Variants in NSD3 observed in about 807,000 individuals in gnomAD.
NSD3 encodes the protein nuclear receptor binding SET domain protein 3.
Under a neutral mutation model 160.8 loss-of-function variants are expected in NSD3, and 24 were observed. The observed-to-expected ratio is 0.15, with a 90% CI of 0.11 to 0.21. NSD3 has a LOEUF of 0.21. Among genes scored for constraint, NSD3 ranks in the 10% least tolerant of loss-of-function variants. The pLI, the probability that NSD3 is intolerant of heterozygous loss-of-function variation, is 1.00. For synonymous variants in NSD3, 520 were observed against 600.0 expected (o/e 0.87, Z 1.95); for missense variants, 1,157 against 1,735.9 (o/e 0.67, Z 5.93).
At chr8:38,298,623 A>G (rs1336550274) in intron 15 of NSD3, among the ~76,000 whole-genome samples, 1 of 152,134 alleles carries the variant, frequency 6.6e-6, no homozygotes, top group African/African-American at 2.4e-5. Flanking sequence ...CCAGATCATA[A>G]TGGGAATGTA....
chr8:38,289,283 T>C, intron 18 of NSD3, 110 bp downstream of exon 18: 1 of 1,025,054 alleles, frequency 9.8e-7, no homozygotes, highest in Non-Finnish European at 1.4e-6. Context: ...CTTTAACTAC[T>C]AAAGAGTAAT....
At position 38,296,170 on chromosome 8, in the gene NSD3, T is replaced by C. The variant is rs1331828339; in HGVS notation, c.2759-218A>G. On this transcript the variant is annotated intron_variant, in intron 15 of 23. Coordinates refer to ENST00000317025, the MANE Select transcript of NSD3 (RefSeq NM_023034.2). ...TGGCCAGAAACTCAGAGCTTCTGAG[T>C]AGTACCAAAAGCATCCATGTACTCT... Among the ~76,000 whole-genome samples the C allele has an allele frequency of 3.3e-5, 5 of 152,158 alleles. No homozygotes were observed. In the South Asian group the frequency reaches 1.0e-3, roughly 32 times the overall value.
chr8:38,332,686 C>T (rs998294089), intron 4 of NSD3, among the ~76,000 whole-genome samples: 12 of 151,750 alleles, frequency 7.9e-5, no homozygotes, highest in African/African-American at 2.9e-4. Flanking sequence ...TATCTAGACA[C>T]ATGATCAAGA....
intron 15 of NSD3, among the ~76,000 whole-genome samples, chr8:38,296,452 T>C (rs550115313): frequency 2.0e-5 from 3 of 152,316 alleles, no homozygotes; most frequent in South Asian, 2.1e-4. Context: ...GGTTGATCAG[T>C]ACTTTTTTCT....
At position 38,270,082 on chromosome 8, in the gene NSD3, T is replaced by G. The variant is rs528191491; in HGVS notation, c.*5559A>C. ...TTGAAGTCTATGTGGCAACATCAAGTCATTATACAGTAATGCCCTAGTGGA... is the reference window on the plus strand; with the variant it reads ...TTGAAGTCTATGTGGCAACATCAAGGCATTATACAGTAATGCCCTAGTGGA... On this transcript the variant is annotated 3_prime_UTR_variant, in exon 24 of 24. Coordinates refer to ENST00000317025, the MANE Select transcript of NSD3 (RefSeq NM_023034.2). The G allele has an allele frequency of 6.6e-6, 1 of 152,212 alleles. No homozygotes were observed. Among genetic ancestry groups the G allele is most frequent in the Non-Finnish European group, 1.5e-5 (1 of 68,032 alleles). 9.4% of individuals were successfully genotyped at this position (152,212 alleles called of 1,614,324 possible). A position where few individuals can be genotyped will look rare whatever the true frequency, so the allele number is the denominator to read the frequency against.
chr8:38,369,917 C>T (rs1039181259), intron 1 of NSD3, among the ~76,000 whole-genome samples: 2 of 152,162 alleles, frequency 1.3e-5, no homozygotes, highest in African/African-American at 4.8e-5. Flanking sequence ...GCCTCAGCCT[C>T]CTGAGTAGCT....
At chr8:38,309,771 G>C (rs1417040084) in intron 12 of NSD3, among the ~76,000 whole-genome samples, 1 of 152,158 alleles carries the variant, frequency 6.6e-6, no homozygotes, top group Non-Finnish European at 1.5e-5. Context: ...TTATTCAAAA[G>C]GGCAAATAAA....
chr8:38,328,273 CT>C (rs1199895508), intron 6 of NSD3, among the ~76,000 whole-genome samples: 1 of 152,080 alleles, frequency 6.6e-6, no homozygotes, highest in African/African-American at 2.4e-5. Flanking sequence ...CTTGAATTTC[CT>C]TTAAATAGCA....
intron 14 of NSD3, among the ~76,000 whole-genome samples, chr8:38,302,371 C>T (rs1809297647): frequency 6.6e-6 from 1 of 152,160 alleles, no homozygotes; most frequent in South Asian, 2.1e-4. Context: ...TAAGCCTTCC[C>T]AGCATCTGAT....
chr8:38,322,001 T>C (rs1809804029), intron 7 of NSD3, among the ~76,000 whole-genome samples: 1 of 152,208 alleles, frequency 6.6e-6, no homozygotes, highest in Admixed American at 6.5e-5. Context: ...GGAGGAATGA[T>C]ACCTGCAGTG....
At chr8:38,338,511 G>C in intron 3 of NSD3, 25 bp downstream of exon 3, 1 of 1,588,412 alleles carries the variant, frequency 6.3e-7, no homozygotes. Flanking sequence ...TATTTGGTTA[G>C]ACAGTATTCA....
chr8:38,289,492 A>T lies in NSD3; in HGVS notation c.3132T>A (p.Ala1044=), dbSNP rs1370387224. 6.2e-7 allele frequency: 1 copy of T among 1,613,232 alleles called. No homozygotes were observed. The highest frequency in any genetic ancestry group is 2.2e-5 in the East Asian group (1 of 44,874). ...NKTFKKALEE[A]AKRFQELKAQ... The stretch of plus-strand genomic sequence containing the variant: ...CTTTCAATTCCTGGAAACGTTTTGC[A>T]GCTTCTTCCAGTGCTGCCAATAAGA... The change falls in exon 18 of 24, where the codon GCT becomes GCA. Residue 1044 remains alanine (A), a synonymous_variant. Coordinates refer to ENST00000317025, the MANE Select transcript of NSD3 (RefSeq NM_023034.2).
At chr8:38,324,377 G>C (rs1279066769) in intron 7 of NSD3, among the ~76,000 whole-genome samples, 1 of 152,086 alleles carries the variant, frequency 6.6e-6, no homozygotes, top group Non-Finnish European at 1.5e-5. Flanking sequence ...TTTTAAGAAA[G>C]CTAGCCCAAG....
chr8:38,281,896 A>T (rs1282805329), intron 19 of NSD3, among the ~76,000 whole-genome samples: 2 of 152,176 alleles, frequency 1.3e-5, no homozygotes, highest in Admixed American at 6.5e-5. Context: ...TTATAACAGA[A>T]TTTTACTAGT....
chr8:38,275,698 C>T lies in NSD3; in HGVS notation c.4257G>A (p.Trp1419Ter). ...DPMAPVSPEY[W>*]SKIKCKWESQ... ...ATTCCCATTTACATTTTATCTTGCT[C>T]CAGTATTCTGGTGACACAGGAGCCA... is the stretch of plus-strand genomic sequence containing the variant. The change falls in exon 24 of 24, where the codon TGG (tryptophan) becomes TGA (stop). Residue 1419 changes from tryptophan to a stop codon, truncating the protein, a stop_gained. Coordinates refer to ENST00000317025, the MANE Select transcript of NSD3 (RefSeq NM_023034.2). LOFTEE classifies it high-confidence loss of function. 1.2e-6 allele frequency: 2 copies of T among 1,614,168 alleles called. No homozygotes were observed. The highest frequency in any genetic ancestry group is 1.7e-6 in the Non-Finnish European group (2 of 1,180,024).
chr8:38,308,304 G>T (rs1436702195), intron 12 of NSD3, among the ~76,000 whole-genome samples: 1 of 151,516 alleles, frequency 6.6e-6, no homozygotes, highest in Non-Finnish European at 1.5e-5. Context: ...AGTAAGGTGG[G>T]TTTTTTTTGG....
intron 4 of NSD3, among the ~76,000 whole-genome samples, chr8:38,337,052 G>C (rs1293649648): frequency 2.0e-5 from 3 of 150,540 alleles, no homozygotes; most frequent in Non-Finnish European, 4.4e-5. Context: ...CCAGGCAGGA[G>C]AATCACTTGA....
chr8:38,276,746 G>C lies in NSD3; in HGVS notation c.3868-246C>G, dbSNP rs898185630. ...GTTGTCCAGGCTGAAGTGCAGTGGT[G>C]CAATCTTGGCTCACTGCAGCCTCGA... On this transcript the variant is annotated intron_variant, in intron 22 of 23. Coordinates refer to ENST00000317025, the MANE Select transcript of NSD3 (RefSeq NM_023034.2). 23 of 494,346 alleles carry C rather than the reference G, an allele frequency of 4.7e-5. 1 individual carries two copies. Among genetic ancestry groups the C allele is most frequent in the African/African-American group, 4.4e-4 (23 of 51,692 alleles). 30.6% of individuals were successfully genotyped at this position (494,346 alleles called of 1,614,324 possible).
At chr8:38,303,765 G>T (rs1809331045) in intron 14 of NSD3, among the ~76,000 whole-genome samples, 1 of 152,170 alleles carries the variant, frequency 6.6e-6, no homozygotes, top group Non-Finnish European at 1.5e-5. Context: ...GAGGCCTTGA[G>T]AATAGTTCAG....
Sources: gnomAD v4.1 joint callset for allele counts (sites outside exome capture counted in the v4.1 genomes callset) on GRCh38, gnomAD v4.1.1 for gene constraint, MANE v1.5 for transcripts, NCBI Gene and HGNC (gene_info 2026-07-23, HGNC 2026-07-21) for gene names.